The following UTP20 variants were observed in gnomAD, a reference collection of about 807,000 sequenced individuals.
UTP20 encodes small subunit processome component 20 homolog.
Under a neutral mutation model 329.5 loss-of-function variants are expected in UTP20, and 164 were observed. The ratio of observed to expected loss-of-function variants is 0.50; its 90% confidence interval spans 0.44 to 0.57. UTP20 has a LOEUF of 0.57. Among genes scored for constraint, UTP20 ranks in the 20% least tolerant of loss-of-function variants. The pLI is 0.00. For missense variants in UTP20, 3,055 were observed against 3,284.2 expected (o/e 0.93, Z 1.71); for synonymous variants, 1,151 against 1,159.3 (o/e 0.99, Z 0.14).
chr12:101,379,225 C>T, intron 56 of UTP20, 146 bp from the exon 57 acceptor site: 1 of 611,978 alleles, frequency 1.6e-6, no homozygotes, highest in Non-Finnish European at 2.7e-6. Context: ...CATCCCCTGC[C>T]CCCACTTCCC....
At position 101,381,144 on chromosome 12, in the gene UTP20, A is replaced by G; in HGVS notation, c.7589A>G (p.Lys2530Arg). Residue 2530 changes from lysine to arginine, a missense_variant, in exon 58 of 62, where the codon AAA becomes AGA. Transcript: ENST00000261637. ...ATGTCCATTTTCTTTTCACAGATGAAAAGTATCTCTCTCGCCTCTTGCCAT... is the reference window on the plus strand; with the variant it reads ...ATGTCCATTTTCTTTTCACAGATGAGAAGTATCTCTCTCGCCTCTTGCCAT... ...FLASDLDQKM[K>R]SISLASCHQL... 1 of 1,613,562 alleles carries G rather than the reference A, an allele frequency of 6.2e-7. No individual in the cohort carries two copies. The highest frequency in any genetic ancestry group is 8.5e-7 in the Non-Finnish European group (1 of 1,179,480).
chr12:101,357,308 AT>A (rs1219330086), intron 43 of UTP20, among the ~76,000 whole-genome samples: 2 of 152,092 alleles, frequency 1.3e-5, no homozygotes, highest in East Asian at 1.9e-4. Context: ...TACATGACCT[AT>A]TTTTTTCTCT....
At chr12:101,305,569 T>TTTAATATTATTTAATAAAATTTAAC (rs1565788917) in intron 15 of UTP20, among the ~76,000 whole-genome samples, 37 of 147,064 alleles carry the variant, frequency 2.5e-4, no homozygotes, top group African/African-American at 8.7e-4. Flanking sequence ...TTAAATTTAA[T>TTTAATATTATTTAATAAAATTTAAC]ATTTAATATT....
intron 38 of UTP20, among the ~76,000 whole-genome samples, chr12:101,348,118 C>A (rs1203219986): frequency 6.6e-6 from 1 of 152,164 alleles, no homozygotes; most frequent in Non-Finnish European, 1.5e-5. Flanking sequence ...CGTGAGCCAC[C>A]ACGCCCGGCT....
At chr12:101,368,936 A>G (rs1214398536) in intron 48 of UTP20, among the ~76,000 whole-genome samples, 1 of 152,024 alleles carries the variant, frequency 6.6e-6, no homozygotes, top group Non-Finnish European at 1.5e-5. Context: ...CAGCAGCCAG[A>G]GCAGCACGGG....
Position 101,366,621 on chromosome 12 carries a change from A to G in UTP20, c.6189A>G (p.Pro2063=), listed in dbSNP as rs752475921. ...LPPQSCLLLP[P]TPVRGGQKAV... is the part of the protein sequence containing the mutation. ...CCCAGAGCTGCCTTCTGCTTCCCCC[A>G]ACTCCAGTTCGAGGTGGACAGAAAG... Residue 2063 remains proline (P), a synonymous_variant, in exon 47 of 62, where the codon CCA becomes CCG. Coordinates refer to ENST00000261637, the MANE Select transcript of UTP20 (RefSeq NM_014503.3). 2 of 1,613,996 alleles carry G rather than the reference A, an allele frequency of 1.2e-6. No individual in the cohort carries two copies. Among genetic ancestry groups the G allele is most frequent in the African/African-American group, 2.7e-5 (2 of 74,906 alleles).
At chr12:101,342,424 T>G (rs377053179) in intron 32 of UTP20, 22 bp from the exon 33 acceptor site, 2 of 1,577,298 alleles carry the variant, frequency 1.3e-6, no homozygotes, top group Non-Finnish European at 8.6e-7. Context: ...AAATATGATT[T>G]CTCTGATTAT....
Position 101,383,199 on chromosome 12 carries a change from G to A in UTP20, c.7815G>A (p.Glu2605=). ...AGAAGGCGGAGTCTGACGGAGAAGA[G>A]AAGGAAGAGGTGAAGGAAGAGCTCG... ...ADEKAESDGE[E]KEEVKEELGR... is the part of the protein sequence containing the mutation. The change falls in exon 59 of 62, where the codon GAG becomes GAA. Residue 2605 remains glutamate, a synonymous_variant. Coordinates refer to ENST00000261637, the MANE Select transcript of UTP20 (RefSeq NM_014503.3). 6.2e-7 allele frequency: 1 copy of A among 1,614,180 alleles called. No homozygotes were observed. Among genetic ancestry groups the A allele is most frequent in the East Asian group, 2.2e-5 (1 of 44,888 alleles).
chr12:101,374,504 C>T (rs1250175596), intron 54 of UTP20, among the ~76,000 whole-genome samples: 2 of 152,102 alleles, frequency 1.3e-5, no homozygotes, highest in African/African-American at 4.8e-5. Context: ...TGCATACCCA[C>T]TTAATGTGGG....
intron 2 of UTP20, among the ~76,000 whole-genome samples, chr12:101,283,299 A>T (rs1871856792): frequency 6.6e-6 from 1 of 152,096 alleles, no homozygotes; most frequent in African/African-American, 2.4e-5. Flanking sequence ...TGGCTTGTTG[A>T]TCTTGGTTCT....
intron 27 of UTP20, among the ~76,000 whole-genome samples, chr12:101,330,401 T>C (rs7308491): frequency 0.13 from 19,330 of 152,244 alleles, 1,415 homozygotes; most frequent in Middle Eastern, 0.23. Flanking sequence ...GTAGGGGCTC[T>C]GTAGGACTTT....
chr12:101,282,010 C>T (rs1292616341), intron 2 of UTP20, among the ~76,000 whole-genome samples: 1 of 152,126 alleles, frequency 6.6e-6, no homozygotes, highest in Non-Finnish European at 1.5e-5. Flanking sequence ...GCCTTGTCAT[C>T]CTTTTATGCA....
At chr12:101,331,501 T>G (rs1426702183) in intron 27 of UTP20, among the ~76,000 whole-genome samples, 1 of 152,210 alleles carries the variant, frequency 6.6e-6, no homozygotes, top group Admixed American at 6.5e-5. Context: ...CTTTGTAACT[T>G]GTATAAGATA....
chr12:101,373,033 C>A, intron 52 of UTP20, 70 bp downstream of exon 52: 2 of 1,311,636 alleles, frequency 1.5e-6, no homozygotes, highest in African/African-American at 1.5e-5. Flanking sequence ...TGGCGGCTGT[C>A]TTAAAAAGGA....
At chr12:101,336,467 A>C (rs149770850) in intron 29 of UTP20, among the ~76,000 whole-genome samples, 1 of 152,218 alleles carries the variant, frequency 6.6e-6, no homozygotes, top group Non-Finnish European at 1.5e-5. Context: ...TAGGGTGAAC[A>C]TGTACTTTTT....
intron 27 of UTP20, among the ~76,000 whole-genome samples, chr12:101,331,354 A>T (rs1402052358): frequency 6.6e-6 from 1 of 152,190 alleles, no homozygotes; most frequent in Non-Finnish European, 1.5e-5. Context: ...TCCATATAAT[A>T]TGTTTTTTCA....
chr12:101,367,971 G>A lies in UTP20; in HGVS notation c.6379G>A (p.Val2127Met). Reference sequence around the variant, plus strand: ...CATAGACTGCCTGGGCTCCATGGATGTGAAGGTAAGCATCGGTTTGCACTC... The same window carrying A: ...CATAGACTGCCTGGGCTCCATGGATATGAAGGTAAGCATCGGTTTGCACTC... ...LLIDCLGSMD[V>M]KVITGALQCL... Residue 2127 changes from valine to methionine, a missense_variant, in exon 48 of 62, where the codon GTG (valine) becomes ATG (methionine). Physicochemically the swap from Val to Met is conservative, Grantham distance 21. Coordinates refer to ENST00000261637, the MANE Select transcript of UTP20 (RefSeq NM_014503.3). 1.2e-6 allele frequency: 2 copies of A among 1,608,118 alleles called. No homozygotes were observed. Among genetic ancestry groups the A allele is most frequent in the Non-Finnish European group, 1.7e-6 (2 of 1,174,650 alleles).
Position 101,292,094 on chromosome 12 carries a change from C to G in UTP20, c.1163C>G (p.Thr388Ser), listed in dbSNP as rs1279304110. Reference protein sequence around the residue: ...VSLPETLIKETIEKIFESRFE... With the variant: ...VSLPETLIKESIEKIFESRFE... ...TTGCCGGAGACCCTCATCAAAGAAA[C>G]CATAGAAAAAGTAATTTACTTCAAC... Residue 388 changes from threonine to serine, a missense_variant, in exon 10 of 62, where the codon ACC becomes AGC. Around this residue, in one of 3 missense-constraint regions of UTP20, gnomAD observed 2,445 missense variants for 2,575.5 expected, o/e 0.95. Transcript: ENST00000261637. 4 of 1,610,950 alleles carry G rather than the reference C, an allele frequency of 2.5e-6. No homozygotes were observed. The highest frequency in any genetic ancestry group is 3.4e-6 in the Non-Finnish European group (4 of 1,179,218).
At chr12:101,351,950 T>C in intron 38 of UTP20, 105 bp from the exon 39 acceptor site, 1 of 1,344,306 alleles carries the variant, frequency 7.4e-7, no homozygotes, top group Non-Finnish European at 1.0e-6. Flanking sequence ...TTCTTTCTCT[T>C]CTGTAATTAC....
Sources: gnomAD v4.1 joint callset for allele counts (sites outside exome capture counted in the v4.1 genomes callset) on GRCh38, gnomAD v4.1.1 for gene constraint, gnomAD v4.1.1 regional missense constraint, MANE v1.5 for transcripts, NCBI Gene and HGNC (gene_info 2026-07-23, HGNC 2026-07-21) for gene names.